SGCZ: variants seen among roughly 807,000 people sequenced by gnomAD.
SGCZ encodes zeta-sarcoglycan.
In SGCZ, 40 loss-of-function variants were observed where a neutral mutation model predicts 41.3. The observed-to-expected ratio is 0.97, with a 90% CI of 0.75 to 1.26. The LOEUF is 1.26. SGCZ is among the 50% of genes most tolerant of loss of function. The pLI is 0.00. For missense variants in SGCZ, 552 were observed against 369.8 expected (o/e 1.49, Z -4.04); for synonymous variants, 206 against 137.5 (o/e 1.50, Z -3.49).
intron 4 of SGCZ, among the ~76,000 whole-genome samples, chr8:14,184,129 A>G (rs1249250230): frequency 6.6e-6 from 1 of 152,172 alleles, no homozygotes; most frequent in Non-Finnish European, 1.5e-5. Context: ...GTAACAAAGA[A>G]TCTTAAAAAA....
chr8:14,242,407 A>G (rs1357707676), intron 3 of SGCZ, among the ~76,000 whole-genome samples: 1 of 152,200 alleles, frequency 6.6e-6, no homozygotes, highest in African/African-American at 2.4e-5. Context: ...ACATGATTGT[A>G]AGACAGACAG....
At chr8:14,541,299 C>T (rs1009788613) in intron 2 of SGCZ, among the ~76,000 whole-genome samples, 1 of 151,902 alleles carries the variant, frequency 6.6e-6, no homozygotes, top group African/African-American at 2.4e-5. Context: ...TCTCCCTCCC[C>T]TTTACCCCCA....
rs561838747 is a variant in SGCZ, at chr8:15,231,849, T to C, written c.39+5736A>G. 1.2e-4 allele frequency among the ~76,000 whole-genome samples: 18 copies of C among 152,292 alleles called. No individual in the cohort carries two copies. The South Asian group carries it at 3.7e-3, about 32-fold the overall frequency. ...GTTGGCCAGGCTGGTCTTGAACTCC[T>C]GGCCTCAAGTGATCCACCTGCCTTG... On this transcript the variant is annotated intron_variant, in intron 1 of 7. Coordinates refer to ENST00000382080, the MANE Select transcript of SGCZ (RefSeq NM_139167.4).
chr8:15,055,218 C>T (rs917471679), intron 1 of SGCZ, among the ~76,000 whole-genome samples: 3 of 152,106 alleles, frequency 2.0e-5, no homozygotes, highest in Non-Finnish European at 4.4e-5. Flanking sequence ...CTCTGAACTC[C>T]AGTTTCCATA....
intron 1 of SGCZ, among the ~76,000 whole-genome samples, chr8:14,751,042 T>G (rs117309476): frequency 6.6e-6 from 1 of 152,358 alleles, no homozygotes; most frequent in East Asian, 1.9e-4. Flanking sequence ...ATTGCTATCA[T>G]ATGTACAACT....
chr8:14,555,320 T>G (rs1804001575), intron 1 of SGCZ, among the ~76,000 whole-genome samples: 1 of 151,992 alleles, frequency 6.6e-6, no homozygotes, highest in African/African-American at 2.4e-5. Context: ...TACTCTCCAA[T>G]GTTGGAGATG....
At chr8:14,093,476 C>G (rs191499216) in intron 7 of SGCZ, among the ~76,000 whole-genome samples, 1 of 152,110 alleles carries the variant, frequency 6.6e-6, no homozygotes, top group Admixed American at 6.6e-5. Flanking sequence ...AATTCTTCCT[C>G]TTGCTCCAGT....
chr8:14,864,713 G>T (rs1424213677), intron 1 of SGCZ, among the ~76,000 whole-genome samples: 1 of 152,010 alleles, frequency 6.6e-6, no homozygotes, highest in African/African-American at 2.4e-5. Context: ...TAAATTAAAA[G>T]ACCATTCTAT....
At chr8:14,882,116 A>C (rs975158266) in intron 1 of SGCZ, among the ~76,000 whole-genome samples, 5 of 152,228 alleles carry the variant, frequency 3.3e-5, no homozygotes, top group African/African-American at 1.2e-4. Context: ...CTCACATCAA[A>C]AAGCTAGAAA....
At chr8:14,502,235 A>T (rs1423094308) in intron 2 of SGCZ, among the ~76,000 whole-genome samples, 3 of 152,116 alleles carry the variant, frequency 2.0e-5, no homozygotes, top group African/African-American at 7.2e-5. Flanking sequence ...TCAATACAAA[A>T]AAGGATTTTT....
chr8:14,928,962 GC>G (rs1314701944), intron 1 of SGCZ, among the ~76,000 whole-genome samples: 1 of 152,012 alleles, frequency 6.6e-6, no homozygotes, highest in Admixed American at 6.6e-5. Context: ...ATTCATGACT[GC>G]ATTTTTAAAT....
intron 1 of SGCZ, among the ~76,000 whole-genome samples, chr8:14,729,970 A>G (rs1013809571): frequency 1.2e-4 from 19 of 152,034 alleles, no homozygotes; most frequent in Admixed American, 6.6e-5. Context: ...CTCTAATCCC[A>G]CCTACTGGGT....
intron 1 of SGCZ, among the ~76,000 whole-genome samples, chr8:15,233,008 T>C (rs1244566099): frequency 6.6e-6 from 1 of 151,742 alleles, no homozygotes; most frequent in African/African-American, 2.4e-5. Flanking sequence ...AAATTAAGGT[T>C]ACCTGTTTCT....
chr8:14,375,302 A>T (rs188708960), intron 2 of SGCZ, among the ~76,000 whole-genome samples: 1 of 152,354 alleles, frequency 6.6e-6, no homozygotes, highest in Non-Finnish European at 1.5e-5. Context: ...GCAAAGAGAA[A>T]TAGGTAGAAA....
chr8:14,635,714 T>C (rs1806805258), intron 1 of SGCZ, among the ~76,000 whole-genome samples: 1 of 151,594 alleles, frequency 6.6e-6, no homozygotes, highest in Non-Finnish European at 1.5e-5. Flanking sequence ...GAAGCCGTGT[T>C]CCAACTGACA....
chr8:14,820,451 A>G (rs1802041687), intron 1 of SGCZ, among the ~76,000 whole-genome samples: 1 of 152,068 alleles, frequency 6.6e-6, no homozygotes, highest in Non-Finnish European at 1.5e-5. Context: ...AAAAAAGTCT[A>G]CAAAGAAAAA....
At chr8:14,888,890 T>C (rs1300796147) in intron 1 of SGCZ, among the ~76,000 whole-genome samples, 1 of 152,162 alleles carries the variant, frequency 6.6e-6, no homozygotes, top group Non-Finnish European at 1.5e-5. Flanking sequence ...ACTTTAATGA[T>C]ATGGGTACAC....
intron 1 of SGCZ, among the ~76,000 whole-genome samples, chr8:15,156,175 C>G (rs543037371): frequency 6.6e-6 from 1 of 152,034 alleles, no homozygotes; most frequent in South Asian, 2.1e-4. Context: ...ATGTTTCACT[C>G]CAGTTTTCAA....
At chr8:14,109,364 G>A (rs7815761) in intron 5 of SGCZ, among the ~76,000 whole-genome samples, 148,571 of 152,214 alleles carry the variant, frequency 0.98, 72,549 homozygotes, top group East Asian at 1. Context: ...AATCAAGTGG[G>A]AAAAAAATGT....
Sources: allele counts gnomAD v4.1 joint callset (sites outside exome capture counted in the v4.1 genomes callset), GRCh38; gene constraint gnomAD v4.1.1; transcripts MANE v1.5; gene names NCBI Gene and HGNC (gene_info 2026-07-23, HGNC 2026-07-21).